Variants in MRTFB observed in about 807,000 individuals in gnomAD.
MRTFB encodes myocardin related transcription factor B, also known as myocardin-related transcription factor B.
A neutral mutation model predicts 104.2 loss-of-function variants in MRTFB; 29 were observed. The ratio of observed to expected loss-of-function variants is 0.28; its 90% confidence interval spans 0.21 to 0.38. The LOEUF (loss-of-function observed/expected upper bound fraction) is 0.38, where lower values mean the gene tolerates loss of function less well. Ranked by LOEUF, MRTFB falls within the 10% of genes least tolerant of loss-of-function variation. MRTFB has a pLI of 1.00. For synonymous variants in MRTFB, 535 were observed against 519.5 expected (o/e 1.03, Z -0.41); for missense variants, 1,270 against 1,341.6 (o/e 0.95, Z 0.83).
chr16:14,200,459 G>A (rs764108931), intron 3 of MRTFB: 6 of 1,610,260 alleles, frequency 3.7e-6, no homozygotes, highest in Non-Finnish European at 3.4e-6. Context: ...CAGACATCCA[G>A]TAGCATCGTT....
At chr16:14,168,446 A>G (rs79630454) in intron 3 of MRTFB, among the ~76,000 whole-genome samples, 25 of 152,244 alleles carry the variant, frequency 1.6e-4, no homozygotes, top group Admixed American at 3.9e-4. Context: ...TTTGTTCACC[A>G]TTTATCTTTC....
intron 4 of MRTFB, among the ~76,000 whole-genome samples, chr16:14,210,992 G>C (rs755710152): frequency 3.3e-5 from 5 of 152,134 alleles, no homozygotes; most frequent in Non-Finnish European, 7.4e-5. Context: ...TGTGTATCTG[G>C]ATTTTGTGTA....
intron 2 of MRTFB, among the ~76,000 whole-genome samples, chr16:14,126,783 G>A (rs1457342896): frequency 6.6e-6 from 1 of 152,104 alleles, no homozygotes; most frequent in Admixed American, 6.6e-5. Context: ...AAATTTCACA[G>A]CTGGAATTTG....
intron 2 of MRTFB, among the ~76,000 whole-genome samples, chr16:14,103,630 T>C (rs1173072608): frequency 6.6e-6 from 1 of 152,192 alleles, no homozygotes; most frequent in Non-Finnish European, 1.5e-5. Context: ...ACTGCAGTTA[T>C]ACACATTGGC....
intron 2 of MRTFB, among the ~76,000 whole-genome samples, chr16:14,122,318 G>A (rs925642491): frequency 5.3e-5 from 8 of 151,438 alleles, no homozygotes; most frequent in African/African-American, 1.9e-4. Flanking sequence ...AAGTTCTGGG[G>A]TACATGTGTA....
At chr16:14,213,664 AAAG>A (rs748973090) in intron 6 of MRTFB, 44 bp downstream of exon 6, 15 of 1,365,634 alleles carry the variant, frequency 1.1e-5, no homozygotes, top group Non-Finnish European at 1.5e-5. Flanking sequence ...TTTTTCAAGA[AAAG>A]AAGTGAGAAT....
intron 2 of MRTFB, among the ~76,000 whole-genome samples, chr16:14,118,808 G>C (rs1397551873): frequency 6.6e-6 from 1 of 151,504 alleles, no homozygotes; most frequent in Non-Finnish European, 1.5e-5. Flanking sequence ...ACTACATTTG[G>C]TTTGAAGATT....
intron 7 of MRTFB, among the ~76,000 whole-genome samples, chr16:14,218,273 A>T (rs913945217): frequency 1.3e-5 from 2 of 151,954 alleles, no homozygotes; most frequent in African/African-American, 4.8e-5. Flanking sequence ...GCTAGCCAGG[A>T]TGGTCTCGAT....
At chr16:14,001,576 G>A in the MRTFB span, among the ~76,000 whole-genome samples, 1 of 152,230 alleles carries the variant, frequency 6.6e-6, no homozygotes, top group Non-Finnish European at 1.5e-5. Flanking sequence ...GCAAAATCAG[G>A]TTTGGCCGCC....
chr16:14,138,223 A>G (rs140813683), intron 2 of MRTFB, among the ~76,000 whole-genome samples: 13 of 152,226 alleles, frequency 8.5e-5, no homozygotes, highest in African/African-American at 2.9e-4. Context: ...GGGTGTTACA[A>G]TTTTACTTTG....
At chr16:14,073,650 T>A (rs1394236191) in intron 1 of MRTFB, among the ~76,000 whole-genome samples, 2 of 152,334 alleles carry the variant, frequency 1.3e-5, no homozygotes, top group East Asian at 1.9e-4. Flanking sequence ...ACTAAACACT[T>A]GAATCAAGTA....
At chr16:14,225,833 A>G (rs1203480338) in intron 8 of MRTFB, among the ~76,000 whole-genome samples, 1 of 152,208 alleles carries the variant, frequency 6.6e-6, no homozygotes, top group East Asian at 1.9e-4. Flanking sequence ...AAACATGTGC[A>G]GCTGGTCACA....
At chr16:14,227,524 T>C (rs992944282) in intron 8 of MRTFB, among the ~76,000 whole-genome samples, 2 of 152,134 alleles carry the variant, frequency 1.3e-5, no homozygotes, top group Non-Finnish European at 2.9e-5. Context: ...TTTGTTTTGT[T>C]TTTTTGAGAT....
intron 14 of MRTFB, 64 bp from the exon 15 acceptor site, chr16:14,252,301 C>A: frequency 3.2e-6 from 5 of 1,571,000 alleles, no homozygotes; most frequent in Non-Finnish European, 4.3e-6. Flanking sequence ...AGAGCCGAGT[C>A]TAGCCAGGAA....
intron 2 of MRTFB, among the ~76,000 whole-genome samples, chr16:14,083,877 T>G (rs1418563601): frequency 6.6e-6 from 1 of 152,212 alleles, no homozygotes; most frequent in Non-Finnish European, 1.5e-5. Flanking sequence ...CCTGTTAATC[T>G]TTTTAATCTT....
intron 3 of MRTFB, among the ~76,000 whole-genome samples, chr16:14,204,776 A>G (rs758976499): frequency 2.6e-5 from 4 of 152,212 alleles, no homozygotes; most frequent in Non-Finnish European, 4.4e-5. Flanking sequence ...GTCTGCTACA[A>G]TTGCAAAAGA....
chr16:14,143,064 A>G (rs1346991389), intron 3 of MRTFB: 1 of 151,858 alleles, frequency 6.6e-6, no homozygotes, highest in Non-Finnish European at 1.5e-5. Flanking sequence ...TGCATCATCC[A>G]TCTAGCACTA....
chr16:14,175,937 G>C (rs1046475371), intron 3 of MRTFB, among the ~76,000 whole-genome samples: 1 of 152,170 alleles, frequency 6.6e-6, no homozygotes. Context: ...ATAGAAAGCA[G>C]ATCAGTGATT....
intron 2 of MRTFB, among the ~76,000 whole-genome samples, chr16:14,082,796 TAAATA>T (rs1039810184): frequency 5.9e-5 from 9 of 152,102 alleles, no homozygotes; most frequent in East Asian, 5.8e-4. Flanking sequence ...TAATAATATA[TAAATA>T]AAATAAAGTA....
Sources: gnomAD v4.1 joint callset for allele counts (sites outside exome capture counted in the v4.1 genomes callset) on GRCh38, gnomAD v4.1.1 for gene constraint, MANE v1.5 for transcripts, NCBI Gene and HGNC (gene_info 2026-07-23, HGNC 2026-07-21) for gene names.